Variants in CDK5RAP1 observed in about 807,000 individuals in gnomAD.
The protein encoded by CDK5RAP1 is mitochondrial tRNA methylthiotransferase CDK5RAP1.
In CDK5RAP1, 62 loss-of-function variants were observed where a neutral mutation model predicts 64.5. The observed-to-expected ratio is 0.96, with a 90% confidence interval of 0.78 to 1.19. CDK5RAP1 has a LOEUF of 1.19. Among genes scored for constraint, CDK5RAP1 ranks in the 50% most tolerant of loss-of-function variants. The probability of loss-of-function intolerance (pLI) is 0.00; values close to 1 mark genes in which losing one functional copy is unlikely to be tolerated. For missense variants in CDK5RAP1, 657 were observed against 735.0 expected, an observed-to-expected ratio of 0.89 and a Z score of 1.23; for synonymous variants, 250 against 261.9, an observed-to-expected ratio of 0.95 and a Z score of 0.44.
intron 5 of CDK5RAP1, among the ~76,000 whole-genome samples, chr20:33,388,068 C>CA (rs372479302): frequency 4.0e-3 from 382 of 95,810 alleles, no homozygotes; most frequent in Middle Eastern, 0.019. Flanking sequence ...AACTCCGTCT[C>CA]AAAAAAAAAA....
chr20:33,394,693 T>G (rs1988718424), intron 3 of CDK5RAP1, among the ~76,000 whole-genome samples: 1 of 152,116 alleles, frequency 6.6e-6, no homozygotes, highest in African/African-American at 2.4e-5. Context: ...TAAGAACATC[T>G]GCAATTTCAT....
At chr20:33,366,745 T>C in intron 12 of CDK5RAP1, 114 bp downstream of exon 12, 1 of 934,538 alleles carries the variant, frequency 1.1e-6, no homozygotes, top group Non-Finnish European at 1.6e-6. Flanking sequence ...GGCAGGAGAA[T>C]CACTTGAGCC....
At chr20:33,389,519 G>A (rs1264495432) in intron 5 of CDK5RAP1, among the ~76,000 whole-genome samples, 5 of 150,624 alleles carry the variant, frequency 3.3e-5, no homozygotes, top group African/African-American at 4.9e-5. Flanking sequence ...CCGGCCAGCC[G>A]ACCCGTCAGG....
chr20:33,396,482 T>C (rs1988902706), intron 2 of CDK5RAP1, among the ~76,000 whole-genome samples: 1 of 152,184 alleles, frequency 6.6e-6, no homozygotes, highest in Non-Finnish European at 1.5e-5. Flanking sequence ...TTATTTTTTG[T>C]AGAGACAGTG....
chr20:33,369,551 C>G (rs189669007), intron 11 of CDK5RAP1, among the ~76,000 whole-genome samples: 1 of 152,110 alleles, frequency 6.6e-6, no homozygotes, highest in East Asian at 1.9e-4. Context: ...CTCCAAAACA[C>G]TAAAAGATAC....
intron 5 of CDK5RAP1, among the ~76,000 whole-genome samples, chr20:33,391,707 C>A (rs1988344562): frequency 6.6e-6 from 1 of 152,120 alleles, no homozygotes; most frequent in Admixed American, 6.5e-5. Context: ...GTAATCCCAG[C>A]TACTCGGGAG....
intron 6 of CDK5RAP1, 115 bp from the exon 7 acceptor site, chr20:33,385,885 A>T: frequency 1.1e-6 from 1 of 951,108 alleles, no homozygotes; most frequent in Admixed American, 2.7e-5. Context: ...TCTTGCCACA[A>T]TGCTCACACT....
intron 5 of CDK5RAP1, among the ~76,000 whole-genome samples, chr20:33,389,389 A>C (rs1987981991): frequency 6.7e-6 from 1 of 149,184 alleles, no homozygotes; most frequent in Non-Finnish European, 1.5e-5. Context: ...TCCGCGCGGC[A>C]GCCGCCCCGT....
At chr20:33,394,937 A>G in intron 3 of CDK5RAP1, 76 bp downstream of exon 3, 1 of 898,778 alleles carries the variant, frequency 1.1e-6, no homozygotes, top group Non-Finnish European at 1.9e-6. Flanking sequence ...TGCTCCTGAA[A>G]CTACACCTAA....
intron 12 of CDK5RAP1, among the ~76,000 whole-genome samples, chr20:33,363,209 G>A (rs1983250268): frequency 2.0e-5 from 3 of 152,160 alleles, no homozygotes; most frequent in South Asian, 4.1e-4. Context: ...TAATCTTTAA[G>A]TGTCAAGGTC....
chr20:33,360,312 T>C (rs984331508), intron 13 of CDK5RAP1, 39 bp downstream of exon 13: 2 of 1,589,720 alleles, frequency 1.3e-6, no homozygotes, highest in Non-Finnish European at 1.7e-6. Context: ...CCAACACTCA[T>C]TTCACAGTGC....
Position 33,360,488 on chromosome 20 carries a change from T to G in CDK5RAP1, c.1546A>C (p.Ser516Arg). 4.4e-6 allele frequency: 7 copies of G among 1,608,106 alleles called. No homozygotes were observed. Among genetic ancestry groups the G allele is most frequent in the Non-Finnish European group, 5.9e-6 (7 of 1,178,006 alleles). ...CACAGGTCAGTGGCAGAGCGTTTAC[T>G]GAGCTGCAGAAAGAAGAGAGAAGAG... The part of the protein sequence containing the change: ...CTQLVLVEGL[S>R]KRSATDLCGR... Residue 516 changes from serine (S) to arginine (R), a missense_variant, in exon 13 of 14, where the codon AGT becomes CGT. Transcript: ENST00000346416.
chr20:33,369,165 A>G (rs1421131783), intron 11 of CDK5RAP1, among the ~76,000 whole-genome samples: 1 of 151,750 alleles, frequency 6.6e-6, no homozygotes, highest in Non-Finnish European at 1.5e-5. Context: ...TCTCTGGCAT[A>G]TTTGTGATGT....
At chr20:33,398,323 T>A (rs139481474) in intron 1 of CDK5RAP1, among the ~76,000 whole-genome samples, 180 of 152,008 alleles carry the variant, frequency 1.2e-3, no homozygotes, top group African/African-American at 3.9e-3. Flanking sequence ...TGAAACCTCA[T>A]CTCTACTAAA....
At chr20:33,364,660 C>T (rs1267493175) in intron 12 of CDK5RAP1, among the ~76,000 whole-genome samples, 7 of 151,554 alleles carry the variant, frequency 4.6e-5, no homozygotes, top group Non-Finnish European at 2.9e-5. Context: ...CCATAACCTC[C>T]GCCTCCCAGG....
At chr20:33,389,439 A>G (rs1239176132) in intron 5 of CDK5RAP1, among the ~76,000 whole-genome samples, 1 of 144,274 alleles carries the variant, frequency 6.9e-6, no homozygotes, top group African/African-American at 2.6e-5. Context: ...AGCTGCCCCG[A>G]CTGGGAAGTG....
intron 12 of CDK5RAP1, among the ~76,000 whole-genome samples, chr20:33,364,494 G>A (rs771238039): frequency 1.3e-5 from 2 of 151,884 alleles, no homozygotes; most frequent in African/African-American, 4.8e-5. Context: ...GCCCGAAGAA[G>A]TATCTTATAC....
chr20:33,392,085 TA>T, intron 5 of CDK5RAP1, 56 bp downstream of exon 5: 1 of 1,067,328 alleles, frequency 9.4e-7, no homozygotes, highest in Non-Finnish European at 1.4e-6. Context: ...CACTAGCAAA[TA>T]AAGCCACATA....
intron 2 of CDK5RAP1, among the ~76,000 whole-genome samples, chr20:33,396,098 C>T (rs1464017152): frequency 6.6e-6 from 1 of 152,170 alleles, no homozygotes; most frequent in Non-Finnish European, 1.5e-5. Flanking sequence ...ACATGTTACA[C>T]TCCTCCTCAA....
Sources: allele counts gnomAD v4.1 joint callset (sites outside exome capture counted in the v4.1 genomes callset), GRCh38; gene constraint gnomAD v4.1.1; transcripts MANE v1.5; gene names NCBI Gene and HGNC (gene_info 2026-07-23, HGNC 2026-07-21).